Variants in EGFR observed in about 807,000 individuals in gnomAD.
EGFR encodes the protein epidermal growth factor receptor.
In EGFR, 58 loss-of-function variants were observed where a neutral mutation model predicts 143.0. That is an observed-to-expected ratio of 0.41 (90% CI 0.33 to 0.50). The LOEUF (loss-of-function observed/expected upper bound fraction) is 0.50, where lower values mean the gene tolerates loss of function less well. Among genes scored for constraint, EGFR ranks in the 20% least tolerant of loss-of-function variants. The probability of loss-of-function intolerance (pLI) is 0.39; values close to 1 mark genes in which losing one functional copy is unlikely to be tolerated. For synonymous variants in EGFR, 613 were observed against 594.4 expected, an observed-to-expected ratio of 1.03 and a Z score of -0.45; for missense variants, 1,307 against 1,579.0, an observed-to-expected ratio of 0.83 and a Z score of 2.92.
rs763924711 is a variant in EGFR at position 55,198,829 on chromosome 7, A to T, written c.2814A>T (p.Ile938=). ...GAGAACGCCTCCCTCAGCCACCCAT[A>T]TGTACCATCGATGTCTACATGATCA... ...EKGERLPQPP[I]CTIDVYMIMV... is the part of the protein sequence containing the mutation. The change falls in exon 23 of 28, where the codon ATA becomes ATT. Residue 938 remains isoleucine (I), a synonymous_variant. Transcript: ENST00000275493. The T allele has an allele frequency of 6.2e-7, 1 of 1,614,220 alleles. No individual in the cohort carries two copies. Among genetic ancestry groups the T allele is most frequent in the South Asian group, 1.1e-5 (1 of 91,090 alleles).
intron 1 of EGFR, among the ~76,000 whole-genome samples, chr7:55,048,129 T>A (rs942532818): frequency 2.6e-5 from 4 of 152,160 alleles, no homozygotes; most frequent in Non-Finnish European, 1.5e-5. Flanking sequence ...GATGTGCTTG[T>A]TTTTTGCTAA....
intron 1 of EGFR, among the ~76,000 whole-genome samples, chr7:55,111,369 G>GC (rs1792477695): frequency 6.9e-6 from 1 of 144,842 alleles, no homozygotes; most frequent in African/African-American, 2.5e-5. Context: ...TAGACGTTTT[G>GC]TTTTTTTTTT....
At chr7:55,022,364 G>A (rs1350636424) in intron 1 of EGFR, among the ~76,000 whole-genome samples, 1 of 152,156 alleles carries the variant, frequency 6.6e-6, no homozygotes, top group Non-Finnish European at 1.5e-5. Flanking sequence ...GTCTTAAAGA[G>A]AAACCAAAGT....
chr7:55,166,838 T>TTGATGGTCCGA (rs1786038449), intron 15 of EGFR, among the ~76,000 whole-genome samples: 1 of 62,948 alleles, frequency 1.6e-5, no homozygotes, highest in Non-Finnish European at 3.3e-5. Context: ...GGTGGCAGTG[T>TTGATGGTCCGA]TGGTGGTGAG....
At chr7:55,103,947 T>A (rs1010609465) in intron 1 of EGFR, among the ~76,000 whole-genome samples, 1 of 152,246 alleles carries the variant, frequency 6.6e-6, no homozygotes, top group African/African-American at 2.4e-5. Context: ...AATTCATTAC[T>A]TGCATTATAT....
At chr7:55,197,960 C>T (rs1787687421) in intron 22 of EGFR, among the ~76,000 whole-genome samples, 1 of 152,072 alleles carries the variant, frequency 6.6e-6, no homozygotes, top group African/African-American at 2.4e-5. Flanking sequence ...CTGAAGTTTT[C>T]TTTTTTTGTT....
chr7:55,046,678 G>T (rs1042277839), intron 1 of EGFR, among the ~76,000 whole-genome samples: 8 of 151,794 alleles, frequency 5.3e-5, no homozygotes, highest in African/African-American at 1.7e-4. Flanking sequence ...TCATATTAAA[G>T]ATTTTGGAAA....
intron 1 of EGFR, among the ~76,000 whole-genome samples, chr7:55,136,105 A>G (rs542213914): frequency 6.6e-6 from 1 of 152,306 alleles, no homozygotes; most frequent in Non-Finnish European, 1.5e-5. Context: ...ATGTGTATAC[A>G]TGTTCACTTT....
intron 1 of EGFR, among the ~76,000 whole-genome samples, chr7:55,022,061 G>A (rs1321228192): frequency 6.6e-6 from 1 of 152,198 alleles, no homozygotes; most frequent in Non-Finnish European, 1.5e-5. Flanking sequence ...CGATGAGCCT[G>A]TCTGAAGCTT....
At chr7:55,170,980 T>C in intron 15 of EGFR, 195 bp from the exon 16 acceptor site, 2 of 1,451,406 alleles carry the variant, frequency 1.4e-6, no homozygotes, top group Non-Finnish European at 1.8e-6. Context: ...TCAAAAATAT[T>C]TGCTGAGTGA....
intron 1 of EGFR, among the ~76,000 whole-genome samples, chr7:55,106,348 T>C (rs1406611271): frequency 6.6e-6 from 1 of 152,224 alleles, no homozygotes; most frequent in Non-Finnish European, 1.5e-5. Context: ...AAGCCACCAA[T>C]ATTGTCATCA....
At chr7:55,188,193 G>A (rs759219640) in intron 20 of EGFR, among the ~76,000 whole-genome samples, 113 of 152,256 alleles carry the variant, frequency 7.4e-4, no homozygotes, top group Middle Eastern at 6.8e-3. Flanking sequence ...AGAACCACGC[G>A]GCCTTCTCGT....
chr7:55,020,922 C>T (rs1340319494), intron 1 of EGFR, among the ~76,000 whole-genome samples: 3 of 151,686 alleles, frequency 2.0e-5, no homozygotes, highest in Admixed American at 2.0e-4. Context: ...CAGTGTCTGG[C>T]TCCCGCCCCC....
chr7:55,191,630 G>C (rs2128964166), intron 20 of EGFR, 89 bp from the exon 21 acceptor site: 1 of 1,576,890 alleles, frequency 6.3e-7, no homozygotes, highest in Non-Finnish European at 8.7e-7. Context: ...GAGAGGCTCA[G>C]AGCCTGGCAT....
chr7:55,168,021 G>T (rs1459285440), intron 15 of EGFR, among the ~76,000 whole-genome samples: 1 of 152,130 alleles, frequency 6.6e-6, no homozygotes, highest in Non-Finnish European at 1.5e-5. Flanking sequence ...GTTTTTAACT[G>T]TTTTTTAAAA....
intron 1 of EGFR, among the ~76,000 whole-genome samples, chr7:55,129,674 C>T (rs1793725745): frequency 6.6e-6 from 1 of 152,178 alleles, no homozygotes. Context: ...AATAACAATC[C>T]CCAGCCCCTG....
intron 1 of EGFR, among the ~76,000 whole-genome samples, chr7:55,071,444 C>T (rs1044612098): frequency 8.5e-5 from 13 of 152,218 alleles, no homozygotes; most frequent in African/African-American, 3.1e-4. Context: ...TAAGTTCTCT[C>T]AAAAATGTGT....
At chr7:55,019,456 G>C (rs1786388534) in intron 1 of EGFR, 91 bp downstream of exon 1, 11 of 739,982 alleles carry the variant, frequency 1.5e-5, no homozygotes, top group Non-Finnish European at 1.9e-5. Context: ...GCACCGGCTC[G>C]GCGCCCGCGC....
chr7:55,190,652 T>TTGC (rs1355607217), intron 20 of EGFR, among the ~76,000 whole-genome samples: 1 of 152,170 alleles, frequency 6.6e-6, no homozygotes, highest in Non-Finnish European at 1.5e-5. Flanking sequence ...TTGTTTCTGT[T>TTGC]TGCTGCACCG....
Sources: allele counts gnomAD v4.1 joint callset (sites outside exome capture counted in the v4.1 genomes callset), GRCh38; gene constraint gnomAD v4.1.1; transcripts MANE v1.5; gene names NCBI Gene and HGNC (gene_info 2026-07-23, HGNC 2026-07-21).